The following DEPDC4 variants were observed in gnomAD, a reference collection of about 807,000 sequenced individuals.
DEPDC4 encodes the protein DEP domain containing 4, also known as DEP domain-containing protein 4.
Under a neutral mutation model 52.0 loss-of-function variants are expected in DEPDC4, and 52 were observed. The observed-to-expected ratio is 1.00, with a 90% confidence interval of 0.80 to 1.26. The LOEUF (loss-of-function observed/expected upper bound fraction) is 1.26, where lower values mean the gene tolerates loss of function less well. Among genes scored for constraint, DEPDC4 ranks in the 50% most tolerant of loss-of-function variants. DEPDC4 has a pLI of 0.00. For synonymous variants in DEPDC4, 201 were observed against 196.8 expected (o/e 1.02, Z -0.18); for missense variants, 530 against 546.9 (o/e 0.97, Z 0.31).
Position 100,253,508 on chromosome 12 carries a change from T to C in DEPDC4, c.1086A>G (p.Ser362=). The C allele has an allele frequency of 7.9e-7, 1 of 1,273,492 alleles. No individual in the cohort carries two copies. Among genetic ancestry groups the C allele is most frequent in the Non-Finnish European group, 1.0e-6 (1 of 976,644 alleles). 78.9% of individuals were successfully genotyped at this position (1,273,492 alleles called of 1,614,324 possible). ...LLTDEYFDIH[S]GIIELLENEK... is the part of the protein sequence containing the mutation. The stretch of plus-strand genomic sequence containing the variant: ...TCTTACCTAAAAGTTCAATAATTCC[T>C]GAATGAATATCAAAATACTCATCAG... Residue 362 remains serine, a synonymous_variant, in exon 5 of 10, where the codon TCA becomes TCG. Coordinates refer to ENST00000550587, the MANE Select transcript of DEPDC4 (RefSeq NM_001364818.2).
chr12:100,267,044 A>C lies in DEPDC4; in HGVS notation c.33T>G (p.Leu11=), dbSNP rs1177181972. The C allele has an allele frequency of 6.2e-7, 1 of 1,613,836 alleles. No individual in the cohort carries two copies. The highest frequency in any genetic ancestry group is 8.5e-7 in the Non-Finnish European group (1 of 1,179,874). Residue 11 remains leucine (L), a synonymous_variant, in exon 1 of 10, where the codon CTT becomes CTG. Coordinates refer to ENST00000550587, the MANE Select transcript of DEPDC4 (RefSeq NM_001364818.2). Reference sequence around the variant, plus strand: ...ACCTCGGAGTCAAAAGAACCGCCATAAGCTCGCGCGCTGGCTCCTCCCCTG... The same window carrying C: ...ACCTCGGAGTCAAAAGAACCGCCATCAGCTCGCGCGCTGGCTCCTCCCCTG... The part of the protein sequence containing the change: MVPGEEPARE[L]MAVLLTPRFR...
the DEPDC4 span, among the ~76,000 whole-genome samples, chr12:100,281,778 G>T: frequency 1.0e-4 from 15 of 150,028 alleles, no homozygotes; most frequent in Non-Finnish European, 1.5e-4. Flanking sequence ...AGCTTGCAGT[G>T]AGCCAAGTTC....
At chr12:100,262,457 A>T in intron 2 of DEPDC4, 48 bp from the exon 3 acceptor site, 1 of 1,400,752 alleles carries the variant, frequency 7.1e-7, no homozygotes, top group Non-Finnish European at 9.5e-7. Flanking sequence ...CAGAACCAAA[A>T]TTTCAAATAT....
intron 5 of DEPDC4, 137 bp downstream of exon 5, chr12:100,253,352 C>T (rs975509015): frequency 2.9e-6 from 1 of 350,842 alleles, no homozygotes; most frequent in Non-Finnish European, 5.4e-6. Context: ...AACAAGACTT[C>T]TTGAAGTACC....
At chr12:100,238,181 C>CTT (rs752302093), downstream of DEPDC4, 98 of 296,456 alleles carry the variant, frequency 3.3e-4, no homozygotes, top group Non-Finnish European at 4.4e-4. Context: ...AATTGGGTTG[C>CTT]TTTTTTTTTT....
chr12:100,275,096 A>G, the DEPDC4 span, among the ~76,000 whole-genome samples: 2 of 152,320 alleles, frequency 1.3e-5, no homozygotes, highest in Non-Finnish European at 2.9e-5. Flanking sequence ...TTCATTGTAT[A>G]GATCTTGCAT....
At chr12:100,268,184 T>G (rs1389086559), upstream of DEPDC4, among the ~76,000 whole-genome samples, 1 of 152,166 alleles carries the variant, frequency 6.6e-6, no homozygotes, top group Non-Finnish European at 1.5e-5. Context: ...GTGTCAACTA[T>G]TTTTTAGTAC....
intron 8 of DEPDC4, among the ~76,000 whole-genome samples, chr12:100,243,076 T>A (rs1465519861): frequency 1.3e-5 from 2 of 152,190 alleles, no homozygotes; most frequent in African/African-American, 2.4e-5. Context: ...TTAGGCATCA[T>A]AAGAGATTAA....
upstream of DEPDC4, among the ~76,000 whole-genome samples, chr12:100,271,137 A>G (rs2096287163): frequency 6.6e-6 from 1 of 151,986 alleles, no homozygotes; most frequent in Admixed American, 6.6e-5. Context: ...CAGTTTTTGA[A>G]AACTTTCTTT....
Position 100,262,317 on chromosome 12 carries a change from G to C in DEPDC4, c.647C>G (p.Ala216Gly). ...ELIHTINGNP[A>G]LCPNITVQKP... ...CTGAACTGTGATATTTGGACATAAA[G>C]CTGGATTCCCATTTATTGTATGAAT... is the stretch of plus-strand genomic sequence containing the variant. The change falls in exon 3 of 10, where the codon GCT becomes GGT. Residue 216 changes from alanine (A) to glycine (G), a missense_variant. Ala to Gly is a moderately conservative substitution (Grantham distance 60, BLOSUM62 0). Transcript: ENST00000550587. The C allele has an allele frequency of 6.2e-7, 1 of 1,613,364 alleles. No homozygotes were observed. The highest frequency in any genetic ancestry group is 8.5e-7 in the Non-Finnish European group (1 of 1,179,740).
chr12:100,239,228 C>G (rs2096149270), downstream of DEPDC4, among the ~76,000 whole-genome samples: 1 of 152,030 alleles, frequency 6.6e-6, no homozygotes, highest in Non-Finnish European at 1.5e-5. Context: ...AGGTGCCCAC[C>G]ACCACACACG....
At chr12:100,244,105 A>G (rs1199883783) in intron 8 of DEPDC4, among the ~76,000 whole-genome samples, 3 of 64,414 alleles carry the variant, frequency 4.7e-5, no homozygotes, top group African/African-American at 2.8e-4. Flanking sequence ...GTATATATAT[A>G]TATATATATA....
chr12:100,231,833 T>C (rs2096135259), intron 9 of DEPDC4, among the ~76,000 whole-genome samples: 1 of 151,822 alleles, frequency 6.6e-6, no homozygotes, highest in African/African-American at 2.4e-5. Context: ...TAGTACCAGC[T>C]ACTCAGGAGG....
intron 9 of DEPDC4, among the ~76,000 whole-genome samples, chr12:100,233,772 A>G (rs189504312): frequency 6.6e-6 from 1 of 152,346 alleles, no homozygotes; most frequent in Admixed American, 6.5e-5. Context: ...ATCTACTTGT[A>G]GAGTGTACCG....
chr12:100,266,256 G>A (rs1431546791), intron 1 of DEPDC4, among the ~76,000 whole-genome samples: 8 of 152,062 alleles, frequency 5.3e-5, no homozygotes, highest in Non-Finnish European at 8.8e-5. Flanking sequence ...ACGATAAAAT[G>A]ACAGAAATAA....
chr12:100,256,693 G>C (rs2096234661), intron 3 of DEPDC4, among the ~76,000 whole-genome samples: 1 of 150,634 alleles, frequency 6.6e-6, no homozygotes, highest in Non-Finnish European at 1.5e-5. Flanking sequence ...CCAGGCTCGA[G>C]TGTAGTGGTG....
At chr12:100,238,822 A>C (rs1013908225), downstream of DEPDC4, among the ~76,000 whole-genome samples, 2 of 152,138 alleles carry the variant, frequency 1.3e-5, no homozygotes, top group Non-Finnish European at 2.9e-5. Flanking sequence ...GGGATATTTA[A>C]TAGTTTATCC....
the DEPDC4 span, among the ~76,000 whole-genome samples, chr12:100,273,156 T>G: frequency 1.3e-5 from 2 of 152,128 alleles, no homozygotes; most frequent in African/African-American, 4.8e-5. Flanking sequence ...TAGCTTGATT[T>G]CTTACTACTC....
Position 100,263,670 on chromosome 12 carries a change from T to C in DEPDC4, c.381A>G (p.Leu127=). Reference sequence around the variant, plus strand: ...CTGGTTCAAATACTTTGTGATTCATTAGAACTTGGCAAAGATGAACCCCTT... The same window carrying C: ...CTGGTTCAAATACTTTGTGATTCATCAGAACTTGGCAAAGATGAACCCCTT... ...CLKGVHLCQV[L]MNHKVFEPVG... The change falls in exon 2 of 10, where the codon CTA becomes CTG. Residue 127 remains leucine (L), a synonymous_variant. Transcript: ENST00000550587. 1 of 1,614,092 alleles carries C rather than the reference T, an allele frequency of 6.2e-7. No homozygotes were observed. The highest frequency in any genetic ancestry group is 8.5e-7 in the Non-Finnish European group (1 of 1,180,004).
Sources: allele counts gnomAD v4.1 joint callset (sites outside exome capture counted in the v4.1 genomes callset), GRCh38; gene constraint gnomAD v4.1.1; transcripts MANE v1.5; gene names NCBI Gene and HGNC (gene_info 2026-07-23, HGNC 2026-07-21).